The following CPNE5 variants were observed in gnomAD, a reference collection of about 807,000 sequenced individuals.
CPNE5 encodes copine 5.
CPNE5 carries 42 observed loss-of-function variants against 81.1 expected under a neutral mutation model. The ratio of observed to expected loss-of-function variants is 0.52; its 90% CI spans 0.40 to 0.67. The LOEUF (loss-of-function observed/expected upper bound fraction) is 0.67, where lower values mean the gene tolerates loss of function less well. CPNE5 is among the 30% of genes least tolerant of loss of function. CPNE5 has a pLI of 0.00. For synonymous variants in CPNE5, 313 were observed against 321.5 expected (o/e 0.97, Z 0.28); for missense variants, 612 against 815.5 (o/e 0.75, Z 3.04).
chr6:36,790,536 G>A lies in CPNE5; in HGVS notation c.528+1497C>T, dbSNP rs144543424. Among the ~76,000 whole-genome samples the A allele has an allele frequency of 3.8e-3, 576 of 152,226 alleles. 1 individual carries two copies. Among genetic ancestry groups the A allele is most frequent in the Non-Finnish European group, 6.5e-3 (439 of 68,012 alleles). On this transcript the variant is annotated intron_variant, in intron 8 of 20. Transcript: ENST00000244751. ...AGAGATTTGCAAAAATGTAAAACAA[G>A]GCCACTCTTCTCATTAAATGATTAT...
intron 6 of CPNE5, among the ~76,000 whole-genome samples, chr6:36,796,975 A>G (rs1393460531): frequency 1.3e-5 from 2 of 152,090 alleles, no homozygotes; most frequent in South Asian, 2.1e-4. Context: ...CAGTAGCCCA[A>G]TCTCGGCTCA....
At chr6:36,790,844 C>CA (rs946984448) in intron 8 of CPNE5, among the ~76,000 whole-genome samples, 3 of 151,390 alleles carry the variant, frequency 2.0e-5, no homozygotes, top group South Asian at 2.1e-4. Context: ...TGCCCGGCCC[C>CA]AAAAAAAATG....
chr6:36,756,092 T>TGC, intron 13 of CPNE5, 153 bp downstream of exon 13: 3 of 613,594 alleles, frequency 4.9e-6, no homozygotes, highest in Non-Finnish European at 2.9e-6. Context: ...TTGCTCCATC[T>TGC]GCCCCACCCC....
rs35931885 is a variant in CPNE5, at chr6:36,774,990, C to T, written c.708G>A (p.Val236=). The change falls in exon 10 of 21, where the codon GTG becomes GTA. Residue 236 remains valine (V), a synonymous_variant. Coordinates refer to ENST00000244751, the MANE Select transcript of CPNE5 (RefSeq NM_020939.2). ...NPVWQTFSIP[V]RALCNGDYDR... is the part of the protein sequence containing the mutation. ...CGTAGTCGCCGTTGCAGAGGGCTCT[C>T]ACGGGAATGGAGAAAGTTTGCCAGA... The T allele has an allele frequency of 1.5e-3, 2,405 of 1,614,166 alleles. 20 individuals carry two copies. In the African/African-American group the frequency reaches 0.028, roughly 19 times the overall value.
chr6:36,748,763 G>A (rs1403470243), intron 14 of CPNE5, among the ~76,000 whole-genome samples: 1 of 152,174 alleles, frequency 6.6e-6, no homozygotes, highest in African/African-American at 2.4e-5. Context: ...TGAGGCTCCA[G>A]AGCTGTCTAG....
chr6:36,819,571 T>C (rs928487884), intron 3 of CPNE5, among the ~76,000 whole-genome samples: 5 of 152,236 alleles, frequency 3.3e-5, no homozygotes, highest in African/African-American at 7.2e-5. Flanking sequence ...AATTCATTAA[T>C]AAAGCCTGGG....
intron 13 of CPNE5, chr6:36,755,977 C>T: frequency 2.0e-6 from 1 of 505,818 alleles, no homozygotes; most frequent in Non-Finnish European, 3.5e-6. Context: ...ACTTCTCTTC[C>T]TCTTCCTTCC....
intron 2 of CPNE5, 134 bp downstream of exon 2, chr6:36,822,924 T>C (rs988441168): frequency 1.2e-5 from 8 of 671,800 alleles, no homozygotes; most frequent in African/African-American, 9.2e-5. Context: ...GGGAGAAACA[T>C]TAAACAGGCT....
chr6:36,798,531 G>C, intron 4 of CPNE5, 37 bp from the exon 5 acceptor site: 1 of 1,606,774 alleles, frequency 6.2e-7, no homozygotes. Flanking sequence ...AGGCAGCTGC[G>C]GACGTTCTGC....
intron 8 of CPNE5, among the ~76,000 whole-genome samples, chr6:36,788,253 G>T (rs1473488050): frequency 6.6e-6 from 1 of 151,910 alleles, no homozygotes; most frequent in Admixed American, 6.6e-5. Flanking sequence ...ATGATGTCCA[G>T]GCTGGTCTCG....
At chr6:36,839,670 G>C (rs2150643792), upstream of CPNE5, 1 of 373,578 alleles carries the variant, frequency 2.7e-6, no homozygotes, top group African/African-American at 2.1e-5. The surrounding 1 kb of genome is among the most constrained non-coding windows in gnomAD (Gnocchi z 7.3). Flanking sequence ...GCAGAGAGGG[G>C]CGCGGGGAGA....
chr6:36,833,148 C>T (rs779462246), intron 1 of CPNE5, among the ~76,000 whole-genome samples: 9 of 152,192 alleles, frequency 5.9e-5, no homozygotes, highest in Non-Finnish European at 1.2e-4. Context: ...TCAAGAAGCC[C>T]TCAAGGTCTT....
rs193016884 is a variant in CPNE5, at chr6:36,839,132, A to G, written c.95+151T>C. ...GTCGCCACCCGCAGCTGGACAGGAC[A>G]GGGGCTCTTGGCAGATCGGCAGGGG... On this transcript the variant is annotated intron_variant, in intron 1 of 20. Transcript: ENST00000244751. This position sits in a 1 kb window ranked among gnomAD's most constrained non-coding sequence, Gnocchi z 7.3. 260 of 556,970 alleles carry G rather than the reference A, an allele frequency of 4.7e-4. 3 individuals are homozygous for G. The East Asian group carries it at 8.4e-3, about 18-fold the overall frequency. 34.5% of individuals were successfully genotyped at this position (556,970 alleles called of 1,614,324 possible).
chr6:36,801,792 G>C (rs146067454), intron 3 of CPNE5, among the ~76,000 whole-genome samples: 12 of 152,288 alleles, frequency 7.9e-5, no homozygotes, highest in African/African-American at 2.9e-4. Flanking sequence ...GCAGTGACCA[G>C]GGGCAGGGTG....
chr6:36,746,360 T>G lies in CPNE5; in HGVS notation c.1200+36A>C. The G allele has an allele frequency of 1.9e-6, 2 of 1,069,834 alleles. No homozygotes were observed. The highest frequency in any genetic ancestry group is 2.6e-6 in the Non-Finnish European group (2 of 783,064). The allele number at this position is 1,069,834 out of a possible 1,614,324, so 66.3% of individuals were successfully genotyped here. On this transcript the variant is annotated intron_variant, in intron 16 of 20. Transcript: ENST00000244751. This position sits in a 1 kb window ranked among gnomAD's most constrained non-coding sequence, Gnocchi z 4.5. The stretch of plus-strand genomic sequence containing the variant: ...CCAGCTTGTCACCTCACCCCCAGCC[T>G]GATCAGTCCTCTCTCCCACCAGCGG...
At chr6:36,752,294 G>A (rs1369391369) in intron 14 of CPNE5, among the ~76,000 whole-genome samples, 1 of 152,118 alleles carries the variant, frequency 6.6e-6, no homozygotes, top group Non-Finnish European at 1.5e-5. Context: ...CAGCATGCTG[G>A]GCAGGCTCTA....
At chr6:36,820,241 C>T (rs184241200) in intron 3 of CPNE5, among the ~76,000 whole-genome samples, 63 of 152,044 alleles carry the variant, frequency 4.1e-4, no homozygotes, top group African/African-American at 1.4e-3. Context: ...TGTGAGGGCT[C>T]AGTGAGGGAG....
chr6:36,811,853 C>T (rs951915377), intron 3 of CPNE5, among the ~76,000 whole-genome samples: 1 of 152,130 alleles, frequency 6.6e-6, no homozygotes, highest in Non-Finnish European at 1.5e-5. Flanking sequence ...ACTGTAATCC[C>T]AGCACTTTGG....
chr6:36,774,874 C>T (rs938456898), intron 10 of CPNE5, 87 bp downstream of exon 10: 12 of 1,013,902 alleles, frequency 1.2e-5, no homozygotes, highest in Middle Eastern at 2.0e-4. Context: ...GGACTGACCA[C>T]GTCAATATGA....
Sources: allele counts gnomAD v4.1 joint callset (sites outside exome capture counted in the v4.1 genomes callset), GRCh38; gene constraint gnomAD v4.1.1; non-coding constraint Gnocchi (gnomAD v3.1); transcripts MANE v1.5; gene names NCBI Gene and HGNC (gene_info 2026-07-23, HGNC 2026-07-21).